The following SLA2 variants were observed in gnomAD, a reference collection of about 807,000 sequenced individuals.
SLA2 encodes the protein src-like-adapter 2.
A neutral mutation model predicts 27.3 loss-of-function variants in SLA2; 22 were observed. The observed-to-expected ratio is 0.81, with a 90% CI of 0.58 to 1.15. The LOEUF is 1.15. Ranked by LOEUF, SLA2 falls within the 50% of genes most tolerant of loss-of-function variation. The pLI is 0.00. For missense variants in SLA2, 304 were observed against 322.2 expected (o/e 0.94, Z 0.43); for synonymous variants, 131 against 137.8 (o/e 0.95, Z 0.34).
rs749607313 is a variant in SLA2, at chr20:36,634,583, C to A, written c.98G>T (p.Ser33Ile). 14 of 1,602,240 alleles carry A rather than the reference C, an allele frequency of 8.7e-6. No individual in the cohort carries two copies. The highest frequency in any genetic ancestry group is 1.2e-5 in the Non-Finnish European group (14 of 1,171,822). ...GCCCAGGGCCACGGCTGTGGCCTTG[C>A]TTCTCTCTAGATGGAGGGACAGAAA... ...QGPVTMEAER[S>I]KATAVALGSF... The change falls in exon 3 of 8, where the codon AGC becomes ATC. Residue 33 changes from serine to isoleucine, a missense_variant. By Grantham distance (142) the Ser-to-Ile change is moderately radical. Coordinates refer to ENST00000262866, the MANE Select transcript of SLA2 (RefSeq NM_032214.4).
At chr20:36,632,512 C>G in intron 5 of SLA2, 83 bp downstream of exon 5, 3 of 1,072,324 alleles carry the variant, frequency 2.8e-6, no homozygotes, top group Non-Finnish European at 2.8e-6. Flanking sequence ...ATTTTCTGGG[C>G]CGCACCTGCA....
intron 5 of SLA2, among the ~76,000 whole-genome samples, chr20:36,629,094 C>T (rs1391797799): frequency 1.4e-5 from 2 of 146,044 alleles, no homozygotes; most frequent in East Asian, 2.0e-4. Context: ...GACATAGTCT[C>T]GCTTTGTCAC....
At chr20:36,616,417 G>A (rs1386855304) in intron 5 of SLA2, among the ~76,000 whole-genome samples, 1 of 145,534 alleles carries the variant, frequency 6.9e-6, no homozygotes, top group South Asian at 2.2e-4. Context: ...TGCAACCTCC[G>A]CCTCCTGGGT....
At chr20:36,618,540 A>C (rs962726684) in intron 5 of SLA2, among the ~76,000 whole-genome samples, 3 of 151,974 alleles carry the variant, frequency 2.0e-5, no homozygotes, top group Non-Finnish European at 4.4e-5. Context: ...CCGGCCAACA[A>C]ATTTAAAAGG....
rs2039177871 is a variant in SLA2, at chr20:36,614,200, G to C, written c.665+105C>G. ...CAGTGCACTCTGGCTCCAGCTGCCA[G>C]GTGTCCCTGAGTGTGACAGGTACAT... is the stretch of plus-strand genomic sequence containing the variant. On this transcript the variant is annotated intron_variant, in intron 7 of 7. Transcript: ENST00000262866. The C allele has an allele frequency of 9.5e-6, 15 of 1,575,718 alleles. No individual in the cohort carries two copies. In the Middle Eastern group the frequency reaches 6.7e-4, roughly 71 times the overall value.
intron 5 of SLA2, among the ~76,000 whole-genome samples, chr20:36,626,401 AAC>A (rs202019044): frequency 6.6e-5 from 10 of 151,228 alleles, no homozygotes; most frequent in African/African-American, 2.4e-4. Flanking sequence ...AAAAAAAAAA[AAC>A]ACACACAAAA....
intron 3 of SLA2, 34 bp downstream of exon 3, chr20:36,634,456 T>G (rs368866607): frequency 1.4e-6 from 2 of 1,470,166 alleles, no homozygotes; most frequent in African/African-American, 2.8e-5. Context: ...GCTCTATTAG[T>G]GCATATTCAG....
intron 4 of SLA2, 151 bp downstream of exon 4, chr20:36,633,392 G>A: frequency 1.5e-6 from 1 of 676,700 alleles, no homozygotes; most frequent in South Asian, 1.8e-5. Flanking sequence ...CCTGTGCTAG[G>A]ATGAGCTGTC....
chr20:36,615,300 G>A lies in SLA2; in HGVS notation c.457C>T (p.Leu153Phe), dbSNP rs1246963528. Reference sequence around the variant, plus strand: ...GAGATGTACAGCCAGCCATTGTCAAGGCAGTGGATCCTGTAGTGTCTGATC... The same window carrying A: ...GAGATGTACAGCCAGCCATTGTCAAAGCAGTGGATCCTGTAGTGTCTGATC... ...DRIRHYRIHCLDNGWLYISPR... is the reference protein window; with the variant it reads ...DRIRHYRIHCFDNGWLYISPR... Residue 153 changes from leucine (L) to phenylalanine (F), a missense_variant, in exon 6 of 8, where the codon CTT (leucine) becomes TTT (phenylalanine). Leu to Phe is a conservative substitution (Grantham distance 22). Transcript: ENST00000262866. The A allele has an allele frequency of 1.2e-6, 2 of 1,614,068 alleles. No homozygotes were observed. Among genetic ancestry groups the A allele is most frequent in the Admixed American group, 1.7e-5 (1 of 59,986 alleles).
chr20:36,629,921 A>G (rs921654936), intron 5 of SLA2, among the ~76,000 whole-genome samples: 1 of 151,446 alleles, frequency 6.6e-6, no homozygotes, highest in African/African-American at 2.4e-5. Flanking sequence ...TGGGCGACAC[A>G]GTGAGACTCT....
intron 2 of SLA2, among the ~76,000 whole-genome samples, chr20:36,635,951 C>G (rs1432688987): frequency 6.6e-6 from 1 of 152,176 alleles, no homozygotes; most frequent in Non-Finnish European, 1.5e-5. Flanking sequence ...TGCACACACT[C>G]TTGGTCAGAA....
intron 5 of SLA2, chr20:36,621,243 C>T (rs2039279149): frequency 5.5e-6 from 3 of 544,098 alleles, no homozygotes; most frequent in East Asian, 4.5e-5. Context: ...GAAATTTTGG[C>T]GCTGGTAACT....
At chr20:36,637,179 G>T (rs1045451585) in intron 2 of SLA2, among the ~76,000 whole-genome samples, 1 of 150,406 alleles carries the variant, frequency 6.6e-6, no homozygotes, top group Non-Finnish European at 1.5e-5. Flanking sequence ...TACCTCTAAG[G>T]TGCGCGTGTG....
At chr20:36,634,697 C>A in intron 2 of SLA2, 108 bp from the exon 3 acceptor site, 1 of 616,906 alleles carries the variant, frequency 1.6e-6, no homozygotes, top group Non-Finnish European at 2.8e-6. Flanking sequence ...CCTCCACAAG[C>A]ACCCTGAGGG....
In SLA2 at chr20:36,641,231, G is replaced by C; in HGVS notation, c.91+14C>G. On this transcript the variant is annotated intron_variant, in intron 2 of 7. Coordinates refer to ENST00000262866, the MANE Select transcript of SLA2 (RefSeq NM_032214.4). ...TGTGGGAAGAGCCTGGCTGTCACAG[G>C]CCCTGAGGCCTACCTGCTTCCATGG... The C allele has an allele frequency of 1.9e-6, 3 of 1,610,226 alleles. No individual in the cohort carries two copies. The highest frequency in any genetic ancestry group is 2.2e-5 in the South Asian group (2 of 90,996).
chr20:36,628,009 A>G (rs571269183), intron 5 of SLA2, among the ~76,000 whole-genome samples: 1 of 152,164 alleles, frequency 6.6e-6, no homozygotes, highest in African/African-American at 2.4e-5. Flanking sequence ...TGTAAAGTAC[A>G]TTGTCTCTTA....
chr20:36,619,016 G>A (rs988413341), intron 5 of SLA2, among the ~76,000 whole-genome samples: 1 of 150,496 alleles, frequency 6.6e-6, no homozygotes, highest in Non-Finnish European at 1.5e-5. Flanking sequence ...ATTTGAGGTC[G>A]AGAGATTGAG....
chr20:36,644,627 G>T (rs528858300), intron 1 of SLA2, among the ~76,000 whole-genome samples: 1 of 152,308 alleles, frequency 6.6e-6, no homozygotes, highest in African/African-American at 2.4e-5. Context: ...CCTGGTCAAG[G>T]ACTTGGTCAG....
chr20:36,644,924 T>C (rs191989), intron 1 of SLA2, among the ~76,000 whole-genome samples: 83 of 141,666 alleles, frequency 5.9e-4, no homozygotes, highest in African/African-American at 2.1e-3. Flanking sequence ...TCAGATACAG[T>C]GACCAAGTCC....
Sources: allele counts gnomAD v4.1 joint callset (sites outside exome capture counted in the v4.1 genomes callset), GRCh38; gene constraint gnomAD v4.1.1; transcripts MANE v1.5; gene names NCBI Gene and HGNC (gene_info 2026-07-23, HGNC 2026-07-21).